The following MAP2K2 variants were observed in gnomAD, a reference collection of about 807,000 sequenced individuals.
MAP2K2 encodes the protein dual specificity mitogen-activated protein kinase kinase 2.
MAP2K2 carries 24 observed loss-of-function variants against 43.7 expected under a neutral mutation model. That is an observed-to-expected ratio of 0.55 (90% CI 0.40 to 0.77). MAP2K2 has a LOEUF of 0.77. MAP2K2 is among the 30% of genes least tolerant of loss of function. The probability of loss-of-function intolerance (pLI) is 0.00; values close to 1 mark genes in which losing one functional copy is unlikely to be tolerated. For synonymous variants in MAP2K2, 244 were observed against 239.7 expected, an observed-to-expected ratio of 1.02 and a Z score of -0.17; for missense variants, 470 against 566.8, an observed-to-expected ratio of 0.83 and a Z score of 1.73.
intron 7 of MAP2K2, among the ~76,000 whole-genome samples, chr19:4,098,826 C>T (rs975604186): frequency 2.6e-5 from 4 of 152,262 alleles, no homozygotes; most frequent in Admixed American, 6.5e-5. Flanking sequence ...AGCACAGGAG[C>T]GTGTCACCTG....
chr19:4,098,003 AGAG>A (rs1469489688), intron 7 of MAP2K2, among the ~76,000 whole-genome samples: 4 of 152,138 alleles, frequency 2.6e-5, no homozygotes, highest in Admixed American at 2.0e-4. Flanking sequence ...GTCTGGCTGG[AGAG>A]GAGGAGGTGG....
At position 4,097,362 on chromosome 19, in the gene MAP2K2, G is replaced by A. The variant is rs1382407093; in HGVS notation, c.920-19C>T. ...CCGTGACCTGCACAGGGAGAGAGATGGAGGTGAGATGGGCCGATGGCCACC... is the reference window on the plus strand; with the variant it reads ...CCGTGACCTGCACAGGGAGAGAGATAGAGGTGAGATGGGCCGATGGCCACC... On this transcript the variant is annotated intron_variant, in intron 7 of 10. Transcript: ENST00000262948. 2.5e-6 allele frequency: 4 copies of A among 1,607,082 alleles called. No homozygotes were observed. In the African/African-American group the frequency reaches 4.0e-5, roughly 16 times the overall value.
chr19:4,102,523 A>ACCCC, intron 3 of MAP2K2, 70 bp from the exon 4 acceptor site: 1 of 1,196,618 alleles, frequency 8.4e-7, no homozygotes, highest in Non-Finnish European at 1.2e-6. Flanking sequence ...GCGTCCCCCC[A>ACCCC]CTCCCGGCGA....
In MAP2K2 at chr19:4,117,411, G is replaced by C. The variant is rs199612401; in HGVS notation, c.303+8C>G. ...ACTCCCCGACCTCCCCGACCCCGCA[G>C]TGCTCACCTTCCTGGCCATGATGAG... is the stretch of plus-strand genomic sequence containing the variant. On this transcript the variant is annotated splice_region_variant and intron_variant, in intron 2 of 10. Transcript: ENST00000262948. 8.5e-5 allele frequency: 137 copies of C among 1,611,286 alleles called. No individual in the cohort carries two copies. The African/African-American group carries it at 1.6e-3, about 18-fold the overall frequency.
chr19:4,090,611 C>A lies in MAP2K2; in HGVS notation c.1190G>T (p.Arg397Leu), dbSNP rs751040819. Residue 397 changes from arginine (R) to leucine (L), a missense_variant, in exon 11 of 11, where the codon CGC becomes CTC. By Grantham distance (102) the Arg-to-Leu change is moderately radical (BLOSUM62 -2). This residue lies in a region of MAP2K2 where 212 missense variants were observed against 220.8 expected (regional missense o/e 0.96). Coordinates refer to ENST00000262948, the MANE Select transcript of MAP2K2 (RefSeq NM_030662.4). ...LRLNQPGTPT[R>L]TAV The stretch of plus-strand genomic sequence containing the variant: ...GCCCGGCCACTGTCACACGGCGGTG[C>A]GCGTGGGTGTGCCGGGCTGGTTCAG... 1.9e-6 allele frequency: 3 copies of A among 1,551,382 alleles called. No individual in the cohort carries two copies. Among genetic ancestry groups the A allele is most frequent in the Non-Finnish European group, 2.6e-6 (3 of 1,147,478 alleles).
intron 3 of MAP2K2, among the ~76,000 whole-genome samples, chr19:4,107,164 G>A (rs962744924): frequency 1.3e-5 from 2 of 152,174 alleles, no homozygotes; most frequent in Non-Finnish European, 2.9e-5. Context: ...GGGAGGCTGA[G>A]GCGGGAGAAT....
chr19:4,114,739 A>G (rs1253759517), intron 2 of MAP2K2, among the ~76,000 whole-genome samples: 2 of 152,172 alleles, frequency 1.3e-5, no homozygotes, highest in Non-Finnish European at 2.9e-5. Context: ...CCTTGAGGTC[A>G]GATGTTTGAG....
chr19:4,115,039 T>C lies in MAP2K2; in HGVS notation c.303+2380A>G, dbSNP rs994135543. Among the ~76,000 whole-genome samples, 3 of 152,162 alleles carry C rather than the reference T, an allele frequency of 2.0e-5. No individual in the cohort carries two copies. The highest frequency in any genetic ancestry group is 2.0e-4 in the Admixed American group (3 of 15,262). The stretch of plus-strand genomic sequence containing the variant: ...CCGCTGAGCCCACGAGCTCAATGCA[T>C]CCTCTCCCACCCGAGTTTTCGGGCA... On this transcript the variant is annotated intron_variant, in intron 2 of 10. Coordinates refer to ENST00000262948, the MANE Select transcript of MAP2K2 (RefSeq NM_030662.4). This position sits in a 1 kb window ranked among gnomAD's most constrained non-coding sequence, Gnocchi z 4.1.
At position 4,117,457 on chromosome 19, in the gene MAP2K2, C is replaced by A; in HGVS notation, c.265G>T (p.Val89Phe). ...GAGNGGVVTK[V>F]QHRPSGLIMA... The stretch of plus-strand genomic sequence containing the variant: ...ATGAGGCCCGAGGGTCTGTGCTGGA[C>A]TTTGGTGACCACCCCGCCGTTGCCC... Residue 89 changes from valine (V) to phenylalanine (F), a missense_variant, in exon 2 of 11, where the codon GTC becomes TTC. Physicochemically the swap from Val to Phe is conservative, Grantham distance 50. This residue lies in a region of MAP2K2 where 200 missense variants were observed against 297.9 expected (regional missense o/e 0.67). Transcript: ENST00000262948. 6.2e-7 allele frequency: 1 copy of A among 1,614,024 alleles called. No homozygotes were observed. Among genetic ancestry groups the A allele is most frequent in the Non-Finnish European group, 8.5e-7 (1 of 1,180,040 alleles).
chr19:4,102,314 C>G (rs1257926056), intron 4 of MAP2K2, 62 bp downstream of exon 4: 16 of 1,407,560 alleles, frequency 1.1e-5, no homozygotes, highest in Non-Finnish European at 1.6e-5. Context: ...GAACCCTGGC[C>G]GTGTGGAAGA....
At chr19:4,123,146 T>C (rs1223590001) in intron 1 of MAP2K2, among the ~76,000 whole-genome samples, 1 of 151,488 alleles carries the variant, frequency 6.6e-6, no homozygotes, top group Admixed American at 6.6e-5. Context: ...ATTTCACTAC[T>C]CAAGGACCCC....
At chr19:4,095,085 AG>A in intron 9 of MAP2K2, 1 of 396,240 alleles carries the variant, frequency 2.5e-6, no homozygotes, top group Non-Finnish European at 4.6e-6. Flanking sequence ...TCAGCACACC[AG>A]GGGTCCGGGG....
At chr19:4,094,580 G>A (rs1006064560) in intron 9 of MAP2K2, 82 bp from the exon 10 acceptor site, 181 of 1,346,996 alleles carry the variant, frequency 1.3e-4, no homozygotes, top group East Asian at 5.5e-4. Context: ...GGGCACCCGC[G>A]TGTGGGCCGT....
chr19:4,092,583 C>T (rs965218539), intron 10 of MAP2K2, among the ~76,000 whole-genome samples: 1 of 151,612 alleles, frequency 6.6e-6, no homozygotes, highest in Non-Finnish European at 1.5e-5. Context: ...AGCAAGACTC[C>T]GTCTGAGGGA....
intron 3 of MAP2K2, among the ~76,000 whole-genome samples, chr19:4,108,929 T>C (rs1028426412): frequency 6.6e-6 from 1 of 152,168 alleles, no homozygotes; most frequent in African/African-American, 2.4e-5. Context: ...CCTCGCCCTT[T>C]GATGCCGCCG....
At position 4,101,198 on chromosome 19, in the gene MAP2K2, G is replaced by A. The variant is rs376421011; in HGVS notation, c.580+31C>T. 8.6e-4 allele frequency: 1,368 copies of A among 1,594,668 alleles called. 15 individuals carry two copies. The South Asian group carries it at 0.01, about 12-fold the overall frequency. On this transcript the variant is annotated intron_variant, in intron 5 of 10. Transcript: ENST00000262948. The surrounding 1 kb of genome is among the most constrained non-coding windows in gnomAD (Gnocchi z 6.3). ...GCCCAACAGTTGCCTGCCGGCCCCC[G>A]GGGCTCTGGGGAGGGCGGGCTGGGC...
At chr19:4,114,117 A>G (rs548969474) in intron 2 of MAP2K2, among the ~76,000 whole-genome samples, 17 of 152,296 alleles carry the variant, frequency 1.1e-4, no homozygotes, top group African/African-American at 3.6e-4. Context: ...GCAAGCCTTC[A>G]TCTCTACAAG....
At chr19:4,097,368 G>A (rs1412655685) in intron 7 of MAP2K2, 25 bp from the exon 8 acceptor site, 2 of 1,589,864 alleles carry the variant, frequency 1.3e-6, no homozygotes, top group Admixed American at 1.7e-5. Flanking sequence ...AGATGGAGGT[G>A]AGATGGGCCG....
chr19:4,094,778 C>T, intron 9 of MAP2K2: 2 of 515,322 alleles, frequency 3.9e-6, no homozygotes. Flanking sequence ...AGCCTGGACG[C>T]AACCCCAGCT....
Sources: allele counts gnomAD v4.1 joint callset (sites outside exome capture counted in the v4.1 genomes callset), GRCh38; gene constraint gnomAD v4.1.1; regional missense constraint gnomAD v4.1.1; non-coding constraint Gnocchi (gnomAD v3.1); transcripts MANE v1.5; gene names NCBI Gene and HGNC (gene_info 2026-07-23, HGNC 2026-07-21).